Variants in GABRB3 observed in about 807,000 individuals in gnomAD.
The protein encoded by GABRB3 is gamma-aminobutyric acid type A receptor subunit beta3.
Under a neutral mutation model 52.1 loss-of-function variants are expected in GABRB3, and 14 were observed. The ratio of observed to expected loss-of-function variants is 0.27; its 90% CI spans 0.18 to 0.42. The LOEUF is 0.42. Among genes scored for constraint, GABRB3 ranks in the 10% least tolerant of loss-of-function variants. GABRB3 has a pLI of 1.00. For missense variants in GABRB3, 307 were observed against 609.1 expected (o/e 0.50, Z 5.22); for synonymous variants, 260 against 232.3 (o/e 1.12, Z -1.08).
At chr15:26,720,766 A>C (rs764117213) in intron 3 of GABRB3, among the ~76,000 whole-genome samples, 5 of 152,220 alleles carry the variant, frequency 3.3e-5, no homozygotes, top group Non-Finnish European at 7.3e-5. Flanking sequence ...ATTCCTCAAA[A>C]GGGAACCCGG....
At chr15:26,606,069 A>AG (rs142569222) in intron 4 of GABRB3, among the ~76,000 whole-genome samples, 25,499 of 151,938 alleles carry the variant, frequency 0.17, 2,182 homozygotes, top group African/African-American at 0.22. Flanking sequence ...GAGAACAGCA[A>AG]GGGGGAAATC....
At position 26,598,516 on chromosome 15, in the gene GABRB3, T is replaced by TCTGCAGAA. The variant is rs542000931; in HGVS notation, c.462-15110_462-15103dup. ...AAACAAGCCTGAGACATCCATTTGG[T>TCTGCAGAA]CTGCAGAACTGATTGAAATCCAAAT... On this transcript the variant is annotated intron_variant, in intron 4 of 8. Coordinates refer to ENST00000311550, the MANE Select transcript of GABRB3 (RefSeq NM_000814.6). Among the ~76,000 whole-genome samples, 19 of 152,184 alleles carry TCTGCAGAA rather than the reference T, an allele frequency of 1.2e-4. No homozygotes were observed. In the East Asian group the frequency reaches 3.5e-3, roughly 28 times the overall value.
chr15:26,732,290 A>T (rs1267136620), intron 3 of GABRB3, among the ~76,000 whole-genome samples: 2 of 144,430 alleles, frequency 1.4e-5, no homozygotes, highest in Admixed American at 1.4e-4. Context: ...AGATGGATGG[A>T]TAGATGGATG....
intron 4 of GABRB3, chr15:26,590,358 T>C (rs1012983960): frequency 2.6e-5 from 4 of 152,148 alleles, no homozygotes; most frequent in Admixed American, 2.6e-4. Context: ...AGAGTTGTAT[T>C]TGTGGCCACG....
chr15:26,621,641 C>T lies in GABRB3; in HGVS notation c.241-107G>A. The T allele has an allele frequency of 1.2e-6, 1 of 812,480 alleles. No individual in the cohort carries two copies. Among genetic ancestry groups the T allele is most frequent in the East Asian group, 2.6e-5 (1 of 38,700 alleles). The allele number at this position is 812,480 out of a possible 1,614,324, so 50.3% of individuals were successfully genotyped here. ...GCAATCTAGGCTCTACAGTGAATAA[C>T]CAGGAGAAACGGATGCCATTTTTAT... On this transcript the variant is annotated intron_variant, in intron 3 of 8. Coordinates refer to ENST00000311550, the MANE Select transcript of GABRB3 (RefSeq NM_000814.6). This position sits in a 1 kb window ranked among gnomAD's most constrained non-coding sequence, Gnocchi z 4.1.
chr15:26,772,764 T>C lies in GABRB3; in HGVS notation c.89A>G (p.Asp30Gly). ...AVVCCAQSVN[D>G]PGNMSFVKET... ...CTTCACAAAGGACATGTTCCCGGGA[T>C]CGTTCACACTGGGGGAGGGACGGGG... is the stretch of plus-strand genomic sequence containing the variant. The change falls in exon 2 of 9, where the codon GAT becomes GGT. Residue 30 changes from aspartate to glycine, a missense_variant. Coordinates refer to ENST00000311550, the MANE Select transcript of GABRB3 (RefSeq NM_000814.6). 6.5e-7 allele frequency: 1 copy of C among 1,544,486 alleles called. No individual in the cohort carries two copies. Among genetic ancestry groups the C allele is most frequent in the Non-Finnish European group, 8.7e-7 (1 of 1,142,952 alleles).
At chr15:26,711,248 C>A (rs571918270) in intron 3 of GABRB3, among the ~76,000 whole-genome samples, 67 of 152,168 alleles carry the variant, frequency 4.4e-4, no homozygotes, top group Non-Finnish European at 8.5e-4. Flanking sequence ...TGGCAAAGAA[C>A]TCCTCCTTTT....
intron 3 of GABRB3, among the ~76,000 whole-genome samples, chr15:26,686,851 A>T (rs566940542): frequency 4.1e-4 from 62 of 152,380 alleles, no homozygotes; most frequent in African/African-American, 1.3e-3. Context: ...TATATTTAAC[A>T]GAAGCTCTAC....
At chr15:26,650,902 C>G (rs1338626074) in intron 3 of GABRB3, among the ~76,000 whole-genome samples, 1 of 152,116 alleles carries the variant, frequency 6.6e-6, no homozygotes, top group African/African-American at 2.4e-5. Flanking sequence ...CCTGCCCTCC[C>G]TGTCCCCTCT....
chr15:26,692,480 T>C (rs936615408), intron 3 of GABRB3, among the ~76,000 whole-genome samples: 1 of 152,192 alleles, frequency 6.6e-6, no homozygotes, highest in Non-Finnish European at 1.5e-5. Context: ...CAATCAGTTA[T>C]AGTCCAAAAG....
chr15:26,745,105 A>G (rs1890304190), intron 3 of GABRB3, among the ~76,000 whole-genome samples: 1 of 152,034 alleles, frequency 6.6e-6, no homozygotes, highest in Non-Finnish European at 1.5e-5. Flanking sequence ...CTTCATGTAA[A>G]CAACCAGATC....
At chr15:26,732,236 AGATGGATGGATGGATGAATAGATG>A (rs1566822635) in intron 3 of GABRB3, among the ~76,000 whole-genome samples, 4 of 148,218 alleles carry the variant, frequency 2.7e-5, no homozygotes, top group South Asian at 2.2e-4. Context: ...ATGGGTGGAC[AGATGGATGGATGGATGAATAGATG>A]GATGGATGGA....
At position 26,630,034 on chromosome 15, in the gene GABRB3, CGACCTCTGCCACCCCAT is replaced by C. The variant is rs375450794; in HGVS notation, c.241-8517_241-8501del. ...GGTCCTGGCACCCCGCAACCCTCCA[CGACCTCTGCCACCCCAT>C]TTACTCAGCGGTTCAACCCCAAACC... is the stretch of plus-strand genomic sequence containing the variant. On this transcript the variant is annotated intron_variant, in intron 3 of 8. Transcript: ENST00000311550. Among the ~76,000 whole-genome samples, 246 of 152,272 alleles carry C rather than the reference CGACCTCTGCCACCCCAT, an allele frequency of 1.6e-3. 2 individuals are homozygous for C. Among genetic ancestry groups the C allele is most frequent in the African/African-American group, 5.6e-3 (234 of 41,580 alleles).
intron 8 of GABRB3, among the ~76,000 whole-genome samples, chr15:26,556,443 C>T (rs1889755098): frequency 1.3e-5 from 2 of 152,178 alleles, no homozygotes; most frequent in South Asian, 4.1e-4. Context: ...GAGTCTGCAG[C>T]TCTGATTCCT....
At chr15:26,658,780 G>A (rs976004351) in intron 3 of GABRB3, 5 of 152,220 alleles carry the variant, frequency 3.3e-5, no homozygotes, top group Admixed American at 1.3e-4. Flanking sequence ...CTCACCCATA[G>A]TAATTGACAT....
rs1318459916 is a variant in GABRB3, at chr15:26,609,129, C to T, written c.461+12185G>A. On this transcript the variant is annotated intron_variant, in intron 4 of 8. Transcript: ENST00000311550. ...ACACACACACACACACACACACACA[C>T]ACACACAATGGAATGCTACTCAGTA... Among the ~76,000 whole-genome samples the T allele has an allele frequency of 8.8e-4, 90 of 101,828 alleles. 1 individual carries two copies. Among genetic ancestry groups the T allele is most frequent in the African/African-American group, 2.6e-3 (83 of 31,994 alleles). 66.8% of individuals were successfully genotyped at this position (101,828 alleles called of 152,430 possible).
chr15:26,756,708 T>A (rs1283818693), intron 3 of GABRB3, among the ~76,000 whole-genome samples: 1 of 21,754 alleles, frequency 4.6e-5, no homozygotes, highest in Non-Finnish European at 7.8e-5. Context: ...GTGCTATGTA[T>A]AAAAACCCAT....
chr15:26,773,569 C>A, upstream of GABRB3: 1 of 1,233,554 alleles, frequency 8.1e-7, no homozygotes, highest in Non-Finnish European at 1.1e-6. Context: ...CCCCGGGTGC[C>A]GCGCCTCTGC....
chr15:26,592,186 A>T (rs1829217379), intron 4 of GABRB3, among the ~76,000 whole-genome samples: 1 of 152,178 alleles, frequency 6.6e-6, no homozygotes, highest in South Asian at 2.1e-4. Flanking sequence ...TCTGATTTCA[A>T]GGTTTAGTTA....
Sources: allele counts gnomAD v4.1 joint callset (sites outside exome capture counted in the v4.1 genomes callset), GRCh38; gene constraint gnomAD v4.1.1; non-coding constraint Gnocchi (gnomAD v3.1); transcripts MANE v1.5; gene names NCBI Gene and HGNC (gene_info 2026-07-23, HGNC 2026-07-21).